The following HSPBAP1 variants were observed in gnomAD, a reference collection of about 807,000 sequenced individuals.
The protein encoded by HSPBAP1 is HSPB1-associated protein 1.
In HSPBAP1, 27 loss-of-function variants were observed where a neutral mutation model predicts 45.2. The ratio of observed to expected loss-of-function variants is 0.60; its 90% CI spans 0.44 to 0.82. The LOEUF is 0.82. Ranked by LOEUF, HSPBAP1 falls within the 40% of genes least tolerant of loss-of-function variation. HSPBAP1 has a pLI of 0.00. For missense variants in HSPBAP1, 510 were observed against 590.9 expected (o/e 0.86, Z 1.42); for synonymous variants, 204 against 202.7 (o/e 1.01, Z -0.06).
chr3:122,782,197 G>A (rs142610599), intron 1 of HSPBAP1, among the ~76,000 whole-genome samples: 2,260 of 152,236 alleles, frequency 0.015, 57 homozygotes, highest in African/African-American at 0.05. Flanking sequence ...AATTCTACTC[G>A]TTATATCACA....
intron 1 of HSPBAP1, among the ~76,000 whole-genome samples, chr3:122,779,936 T>C (rs1194532442): frequency 6.6e-6 from 1 of 152,122 alleles, no homozygotes; most frequent in East Asian, 1.9e-4. Context: ...AACCATCCGA[T>C]TTCTCAATCT....
intron 2 of HSPBAP1, among the ~76,000 whole-genome samples, chr3:122,770,107 T>C (rs976174027): frequency 2.0e-5 from 3 of 151,310 alleles, no homozygotes; most frequent in African/African-American, 7.3e-5. Flanking sequence ...TTTTATCTTT[T>C]CTTACGTTTC....
intron 6 of HSPBAP1, 113 bp from the exon 7 acceptor site, chr3:122,741,226 T>A: frequency 1.2e-6 from 1 of 802,694 alleles, no homozygotes; most frequent in Non-Finnish European, 2.0e-6. Flanking sequence ...AGCTTTGTTA[T>A]AGAAGGAATG....
intron 3 of HSPBAP1, chr3:122,762,029 A>G (rs1008488684): frequency 6.6e-6 from 1 of 152,130 alleles, no homozygotes; most frequent in Non-Finnish European, 1.5e-5. Flanking sequence ...CTACTCATAC[A>G]TACCTCAAGA....
At chr3:122,753,191 CATGG>C (rs74429068) in intron 5 of HSPBAP1, 94,996 of 189,782 alleles carry the variant, frequency 0.5, 23,087 homozygotes, top group South Asian at 0.58. Flanking sequence ...TCAGGGGCAA[CATGG>C]ATGGAAGAAG....
intron 5 of HSPBAP1, chr3:122,753,553 G>T: frequency 1.0e-6 from 1 of 984,764 alleles, no homozygotes; most frequent in Non-Finnish European, 1.2e-6. Context: ...ATAAACAAAA[G>T]CAATGGGCAG....
At chr3:122,764,300 C>T (rs768626270) in intron 3 of HSPBAP1, among the ~76,000 whole-genome samples, 20 of 152,170 alleles carry the variant, frequency 1.3e-4, no homozygotes, top group Non-Finnish European at 1.2e-4. Flanking sequence ...TTTAGGACCC[C>T]TCAGAGAATG....
At chr3:122,742,972 T>A (rs1259720034) in intron 6 of HSPBAP1, among the ~76,000 whole-genome samples, 1 of 152,236 alleles carries the variant, frequency 6.6e-6, no homozygotes, top group Non-Finnish European at 1.5e-5. Flanking sequence ...TATCTACGTA[T>A]ATACTCATAC....
intron 6 of HSPBAP1, among the ~76,000 whole-genome samples, chr3:122,744,580 A>G (rs1933781064): frequency 6.6e-6 from 1 of 152,244 alleles, no homozygotes; most frequent in Non-Finnish European, 1.5e-5. Context: ...GATGTTGAAG[A>G]AGGAACTGGA....
At chr3:122,754,042 A>T (rs1934253917) in intron 5 of HSPBAP1, 1 of 249,694 alleles carries the variant, frequency 4.0e-6, no homozygotes, top group Non-Finnish European at 6.4e-6. Context: ...GGGAATGCAA[A>T]ATAGTACAGC....
intron 6 of HSPBAP1, chr3:122,741,623 G>C (rs13086236): frequency 0.16 from 24,837 of 152,384 alleles, 2,088 homozygotes; most frequent in African/African-American, 0.2. Flanking sequence ...TTCTGTTTAC[G>C]AAAAAACACC....
At chr3:122,785,919 A>G (rs1354578375) in intron 1 of HSPBAP1, among the ~76,000 whole-genome samples, 1 of 151,048 alleles carries the variant, frequency 6.6e-6, no homozygotes, top group South Asian at 2.1e-4. Context: ...GTGTGTGTGC[A>G]CGCGCGCACA....
At chr3:122,767,610 C>T (rs546910914) in intron 3 of HSPBAP1, among the ~76,000 whole-genome samples, 1 of 152,170 alleles carries the variant, frequency 6.6e-6, no homozygotes, top group South Asian at 2.1e-4. Context: ...CAAGGTGACA[C>T]ATTTTTCCTT....
At chr3:122,759,412 T>G in intron 3 of HSPBAP1, 52 bp from the exon 4 acceptor site, 1 of 1,556,790 alleles carries the variant, frequency 6.4e-7, no homozygotes, top group East Asian at 2.3e-5. Flanking sequence ...CTTCTCTGTA[T>G]GGTAATGCTG....
At chr3:122,776,297 G>C (rs1426450525) in intron 2 of HSPBAP1, among the ~76,000 whole-genome samples, 1 of 152,130 alleles carries the variant, frequency 6.6e-6, no homozygotes, top group East Asian at 1.9e-4. Flanking sequence ...TAATAAAAAA[G>C]AACATCGTCT....
At chr3:122,780,676 G>T (rs1466806850) in intron 1 of HSPBAP1, among the ~76,000 whole-genome samples, 1 of 151,474 alleles carries the variant, frequency 6.6e-6, no homozygotes, top group East Asian at 2.0e-4. Flanking sequence ...CTCCCTCCCG[G>T]ACGGGGTGGC....
chr3:122,787,992 G>A (rs964089993), intron 1 of HSPBAP1, among the ~76,000 whole-genome samples: 2 of 152,050 alleles, frequency 1.3e-5, no homozygotes, highest in African/African-American at 4.8e-5. Flanking sequence ...GGTCTAGAAG[G>A]TGATGTCTAT....
At chr3:122,792,889 A>G (rs76505704) in intron 1 of HSPBAP1, among the ~76,000 whole-genome samples, 6 of 151,558 alleles carry the variant, frequency 4.0e-5, no homozygotes, top group Admixed American at 6.6e-5. Flanking sequence ...AAAAAAAAAA[A>G]AGAGAGAAAA....
At chr3:122,778,224 T>G (rs1047390937) in intron 1 of HSPBAP1, among the ~76,000 whole-genome samples, 3 of 151,256 alleles carry the variant, frequency 2.0e-5, no homozygotes, top group Non-Finnish European at 2.9e-5. Context: ...TGTTGTTTTT[T>G]TTTTTTAATG....
Sources: allele counts gnomAD v4.1 joint callset (sites outside exome capture counted in the v4.1 genomes callset), GRCh38; gene constraint gnomAD v4.1.1; transcripts MANE v1.5; gene names NCBI Gene and HGNC (gene_info 2026-07-23, HGNC 2026-07-21).